The following GEMIN5 variants were observed in gnomAD, a reference collection of about 807,000 sequenced individuals.
The protein encoded by GEMIN5 is gem nuclear organelle associated protein 5, also known as gem-associated protein 5.
Under a neutral mutation model 176.9 loss-of-function variants are expected in GEMIN5, and 124 were observed. The observed-to-expected ratio is 0.70, with a 90% CI of 0.61 to 0.81. The LOEUF is 0.81. Ranked by LOEUF, GEMIN5 falls within the 40% of genes least tolerant of loss-of-function variation. The pLI is 0.00. For missense variants in GEMIN5, 1,843 were observed against 1,814.6 expected, an observed-to-expected ratio of 1.02 and a Z score of -0.28; for synonymous variants, 673 against 665.2, an observed-to-expected ratio of 1.01 and a Z score of -0.18.
chr5:154,898,604 T>G lies in GEMIN5; in HGVS notation c.3181A>C (p.Lys1061Gln). ...CAYDAAKVLA[K>Q]KGDAASLRTA... is the part of the protein sequence containing the mutation. Reference sequence around the variant, plus strand: ...CTAAGTGATGCCGCATCCCCCTTTTTGGCCAAAACTTTGGCTGCATCATAA... The same window carrying G: ...CTAAGTGATGCCGCATCCCCCTTTTGGGCCAAAACTTTGGCTGCATCATAA... The change falls in exon 23 of 28, where the codon AAA becomes CAA. Residue 1061 changes from lysine (K) to glutamine (Q), a missense_variant. Lys to Gln is a moderately conservative substitution (Grantham distance 53). Coordinates refer to ENST00000285873, the MANE Select transcript of GEMIN5 (RefSeq NM_015465.5). The G allele has an allele frequency of 6.2e-7, 1 of 1,614,190 alleles. No homozygotes were observed. The highest frequency in any genetic ancestry group is 8.5e-7 in the Non-Finnish European group (1 of 1,180,012).
At chr5:154,894,182 C>T (rs1271847491) in intron 24 of GEMIN5, among the ~76,000 whole-genome samples, 4 of 151,980 alleles carry the variant, frequency 2.6e-5, no homozygotes, top group Non-Finnish European at 5.9e-5. Flanking sequence ...TGAGCTCAAG[C>T]GATCCACCCG....
intron 18 of GEMIN5, 65 bp downstream of exon 18, chr5:154,904,442 G>A (rs1452303221): frequency 7.3e-7 from 1 of 1,371,908 alleles, no homozygotes; most frequent in South Asian, 1.2e-5. Context: ...TAATAAATAA[G>A]TAAACATCCC....
intron 10 of GEMIN5, among the ~76,000 whole-genome samples, chr5:154,921,007 T>C (rs1010846129): frequency 4.7e-5 from 7 of 148,712 alleles, no homozygotes; most frequent in Non-Finnish European, 8.8e-5. Flanking sequence ...CTAATTCTGA[T>C]AAAATTAAAA....
intron 24 of GEMIN5, among the ~76,000 whole-genome samples, chr5:154,895,336 GAAAAA>G (rs370508883): frequency 9.2e-5 from 7 of 75,698 alleles, no homozygotes; most frequent in Non-Finnish European, 1.3e-4. Context: ...CTCCAGAAAG[GAAAAA>G]AAAAAAAAAA....
chr5:154,916,396 T>C (rs1042208736), intron 13 of GEMIN5, among the ~76,000 whole-genome samples: 11 of 152,238 alleles, frequency 7.2e-5, no homozygotes, highest in African/African-American at 2.7e-4. Context: ...TGTATACATA[T>C]GTAGGCTATG....
intron 23 of GEMIN5, among the ~76,000 whole-genome samples, chr5:154,896,816 G>C (rs1199747095): frequency 1.3e-5 from 2 of 152,146 alleles, no homozygotes; most frequent in Non-Finnish European, 2.9e-5. Flanking sequence ...GTCCAAATAG[G>C]TTTAATAGAG....
chr5:154,900,992 C>T (rs1164088559), intron 21 of GEMIN5, among the ~76,000 whole-genome samples: 1 of 152,166 alleles, frequency 6.6e-6, no homozygotes, highest in Non-Finnish European at 1.5e-5. Flanking sequence ...GTTTAACACT[C>T]TCTAAAGGAA....
chr5:154,915,275 A>C (rs975671134), intron 13 of GEMIN5, among the ~76,000 whole-genome samples: 2 of 152,252 alleles, frequency 1.3e-5, no homozygotes, highest in Admixed American at 6.5e-5. Flanking sequence ...AAAACTACTG[A>C]AGTAAATTCT....
intron 11 of GEMIN5, among the ~76,000 whole-genome samples, chr5:154,919,193 T>C (rs899698412): frequency 1.2e-4 from 19 of 152,116 alleles, no homozygotes; most frequent in African/African-American, 4.1e-4. Context: ...TAGCTGGGCA[T>C]GGTGGCCCAT....
chr5:154,905,328 A>C (rs757658859), intron 17 of GEMIN5, 35 bp downstream of exon 17: 5 of 1,050,850 alleles, frequency 4.8e-6, no homozygotes, highest in Non-Finnish European at 7.2e-6. Flanking sequence ...AGGCTGCTTT[A>C]ACAAAATACT....
chr5:154,893,724 G>C (rs1198019893), intron 24 of GEMIN5, among the ~76,000 whole-genome samples: 1 of 152,044 alleles, frequency 6.6e-6, no homozygotes, highest in East Asian at 1.9e-4. Flanking sequence ...AAGCTTTTGA[G>C]ATTCACCGAT....
chr5:154,895,558 T>C (rs1763331283), intron 24 of GEMIN5, among the ~76,000 whole-genome samples: 1 of 152,156 alleles, frequency 6.6e-6, no homozygotes, highest in African/African-American at 2.4e-5. Context: ...GACTTCAACT[T>C]TGCCCTACTG....
chr5:154,928,474 G>A (rs1764090593), intron 6 of GEMIN5, 53 bp downstream of exon 6: 1 of 1,569,080 alleles, frequency 6.4e-7, no homozygotes, highest in Admixed American at 1.7e-5. Context: ...AGGACTTGAG[G>A]CCAAATAGAA....
chr5:154,896,351 A>C lies in GEMIN5; in HGVS notation c.3346-8T>G. The C allele has an allele frequency of 6.4e-7, 1 of 1,558,564 alleles. No individual in the cohort carries two copies. The highest frequency in any genetic ancestry group is 8.7e-7 in the Non-Finnish European group (1 of 1,156,016). On this transcript the variant is annotated splice_polypyrimidine_tract_variant and splice_region_variant and intron_variant, in intron 23 of 27. Coordinates refer to ENST00000285873, the MANE Select transcript of GEMIN5 (RefSeq NM_015465.5). ...AAACACCAATCTCTGACCCTGGAAC[A>C]CGACAACAAGGAAGAGGAACTGTTA...
chr5:154,916,928 T>C (rs1298846212), intron 13 of GEMIN5, 70 bp downstream of exon 13: 1 of 789,976 alleles, frequency 1.3e-6, no homozygotes, highest in Non-Finnish European at 1.9e-6. Context: ...AAGTAAAAAG[T>C]AACAAAGATT....
intron 1 of GEMIN5, 54 bp from the exon 2 acceptor site, chr5:154,937,239 C>A: frequency 2.1e-6 from 3 of 1,425,110 alleles, no homozygotes; most frequent in Non-Finnish European, 1.9e-6. Flanking sequence ...AGGTTCCTGG[C>A]AGAATCATAC....
rs768659977 is a variant in GEMIN5, at chr5:154,911,905, C to A, written c.1996-7G>T. Reference sequence around the variant, plus strand: ...CCCGGAGAGCATCCCACACCTAAACCCAAAAGCACATGGCCGAAAAGACAT... The same window carrying A: ...CCCGGAGAGCATCCCACACCTAAACACAAAAGCACATGGCCGAAAAGACAT... On this transcript the variant is annotated splice_region_variant and splice_polypyrimidine_tract_variant and intron_variant, in intron 14 of 27. Transcript: ENST00000285873. 80 of 1,610,736 alleles carry A rather than the reference C, an allele frequency of 5.0e-5. No homozygotes were observed. The highest frequency in any genetic ancestry group is 6.4e-5 in the Non-Finnish European group (76 of 1,178,654).
At chr5:154,904,003 C>T (rs1284541322) in intron 18 of GEMIN5, among the ~76,000 whole-genome samples, 1 of 151,586 alleles carries the variant, frequency 6.6e-6, no homozygotes, top group African/African-American at 2.4e-5. Flanking sequence ...ATTAAAATAT[C>T]AAAATAGTGG....
intron 25 of GEMIN5, among the ~76,000 whole-genome samples, chr5:154,892,022 C>T (rs1389500688): frequency 6.6e-6 from 1 of 152,172 alleles, no homozygotes; most frequent in African/African-American, 2.4e-5. Context: ...GCCACGACAA[C>T]AGATCACACT....
Sources: allele counts gnomAD v4.1 joint callset (sites outside exome capture counted in the v4.1 genomes callset), GRCh38; gene constraint gnomAD v4.1.1; transcripts MANE v1.5; gene names NCBI Gene and HGNC (gene_info 2026-07-23, HGNC 2026-07-21).